The following ANOS1 variants were observed in gnomAD, a reference collection of about 807,000 sequenced individuals.
ANOS1 encodes the protein anosmin 1.
A neutral mutation model predicts 59.0 loss-of-function variants in ANOS1; 6 were observed. That is an observed-to-expected ratio of 0.10 (90% CI 0.06 to 0.20). The LOEUF (loss-of-function observed/expected upper bound fraction) is 0.20, where lower values mean the gene tolerates loss of function less well. Ranked by LOEUF, ANOS1 falls within the 10% of genes least tolerant of loss-of-function variation. The probability of loss-of-function intolerance (pLI) is 1.00; values close to 1 mark genes in which losing one functional copy is unlikely to be tolerated. For synonymous variants in ANOS1, 217 were observed against 223.4 expected (o/e 0.97, Z 0.25); for missense variants, 433 against 542.3 (o/e 0.80, Z 2.00).
chrX:8,541,371 C>T (rs1269656276), intron 9 of ANOS1, among the ~76,000 whole-genome samples: 1 of 102,344 alleles, frequency 9.8e-6, no homozygotes, highest in Non-Finnish European at 2.0e-5. Flanking sequence ...CCACTGCACT[C>T]CAGCCTGGGC....
At chrX:8,579,356 T>G (rs897437055) in intron 6 of ANOS1, among the ~76,000 whole-genome samples, 2 of 111,516 alleles carry the variant, frequency 1.8e-5, no homozygotes, top group African/African-American at 6.5e-5. Flanking sequence ...TTTTGGGAAA[T>G]GAGAGAGGTG....
At chrX:8,719,275 T>C (rs759870496) in intron 1 of ANOS1, among the ~76,000 whole-genome samples, 17 of 112,531 alleles carry the variant, frequency 1.5e-4, no homozygotes, top group Non-Finnish European at 1.1e-4. Flanking sequence ...CTTCCAACAG[T>C]GTAGGCATTT....
chrX:8,536,382 T>G (rs1324242778), intron 11 of ANOS1, among the ~76,000 whole-genome samples: 1 of 108,831 alleles, frequency 9.2e-6, no homozygotes, highest in Non-Finnish European at 1.9e-5. Flanking sequence ...GACAGGGACA[T>G]TGGCAAGGAG....
chrX:8,568,866 G>C (rs1930168292), intron 7 of ANOS1, among the ~76,000 whole-genome samples: 1 of 111,055 alleles, frequency 9.0e-6, no homozygotes, highest in East Asian at 2.8e-4. Context: ...TCATAGAAAG[G>C]CCAAATGTAT....
intron 2 of ANOS1, among the ~76,000 whole-genome samples, chrX:8,674,337 C>A (rs1457616138): frequency 1.8e-5 from 2 of 111,856 alleles, no homozygotes; most frequent in African/African-American, 6.5e-5. Flanking sequence ...AAAAAAATGC[C>A]TACTTAGTCT....
At chrX:8,667,931 T>C (rs964147761) in intron 2 of ANOS1, among the ~76,000 whole-genome samples, 1 of 111,345 alleles carries the variant, frequency 9.0e-6, no homozygotes, top group East Asian at 2.8e-4. Context: ...ATATGCATAA[T>C]GAGAAAAGAG....
Position 8,642,177 on chromosome X carries a change from G to A in ANOS1, c.256-18507C>T, listed in dbSNP as rs767254458. On this transcript the variant is annotated intron_variant, in intron 2 of 13. Coordinates refer to ENST00000262648, the MANE Select transcript of ANOS1 (RefSeq NM_000216.4). ...ATACATGGAAATATTGTTTAGCAAT[G>A]AAAAGAAATGGAATACTAAAGCATG... is the stretch of plus-strand genomic sequence containing the variant. Among the ~76,000 whole-genome samples the A allele has an allele frequency of 6.3e-5, 7 of 111,899 alleles. No homozygotes were observed. The East Asian group carries it at 2.0e-3, about 31-fold the overall frequency.
At chrX:8,539,877 T>G (rs1446896882) in intron 9 of ANOS1, 119 bp from the exon 10 acceptor site, 10 of 962,036 alleles carry the variant, frequency 1.0e-5, no homozygotes, top group Non-Finnish European at 1.4e-5. Context: ...AGGTGACCAA[T>G]AAATGCACAG....
intron 6 of ANOS1, among the ~76,000 whole-genome samples, chrX:8,582,679 G>A (rs1387802695): frequency 4.5e-5 from 5 of 111,334 alleles, no homozygotes; most frequent in Non-Finnish European, 9.4e-5. Flanking sequence ...GTGGAAATCC[G>A]GAAGCAGGGA....
chrX:8,548,708 TC>T (rs199941729), intron 9 of ANOS1, among the ~76,000 whole-genome samples: 1,399 of 112,408 alleles, frequency 0.012, 22 homozygotes, highest in African/African-American at 0.043. Flanking sequence ...CAGAACATTC[TC>T]TTTTAGAAAT....
intron 8 of ANOS1, among the ~76,000 whole-genome samples, chrX:8,561,428 T>A (rs1930029582): frequency 2.8e-5 from 3 of 105,692 alleles, no homozygotes; most frequent in African/African-American, 1.1e-4. Flanking sequence ...GCCTCCAGAG[T>A]AGCTGGGACT....
At chrX:8,668,428 T>TATATATATATACATAC (rs1932195788) in intron 2 of ANOS1, among the ~76,000 whole-genome samples, 1 of 83,539 alleles carries the variant, frequency 1.2e-5, no homozygotes, top group Non-Finnish European at 2.3e-5. Context: ...TATATATATA[T>TATATATATATACATAC]ATACACACAC....
chrX:8,568,183 GCGCC>G, intron 8 of ANOS1, 45 bp downstream of exon 8: 2 of 1,166,064 alleles, frequency 1.7e-6, no homozygotes, highest in Non-Finnish European at 2.3e-6. Flanking sequence ...TTGTGATATG[GCGCC>G]CATCATGTCA....
chrX:8,708,316 G>A (rs1002197204), intron 1 of ANOS1, among the ~76,000 whole-genome samples: 4 of 111,921 alleles, frequency 3.6e-5, no homozygotes, highest in Non-Finnish European at 7.5e-5. Flanking sequence ...TATCATCAGA[G>A]TGAACAGGCA....
chrX:8,550,776 A>G (rs1000413699), intron 9 of ANOS1, among the ~76,000 whole-genome samples: 1 of 109,544 alleles, frequency 9.1e-6, no homozygotes, highest in African/African-American at 3.3e-5. Flanking sequence ...GGAGATCAGA[A>G]GGAAAAAAAA....
chrX:8,727,681 G>A (rs1005659899), intron 1 of ANOS1, among the ~76,000 whole-genome samples: 4 of 112,181 alleles, frequency 3.6e-5, no homozygotes, highest in Non-Finnish European at 7.5e-5. Context: ...TCATGCCTGA[G>A]CACATGTGTC....
chrX:8,592,148 A>G (rs1173341789), intron 4 of ANOS1, among the ~76,000 whole-genome samples: 1 of 112,001 alleles, frequency 8.9e-6, no homozygotes, highest in African/African-American at 3.2e-5. Flanking sequence ...AATTTTTATC[A>G]TGAATCTAAA....
chrX:8,636,390 C>T (rs1931573770), intron 2 of ANOS1, among the ~76,000 whole-genome samples: 1 of 111,777 alleles, frequency 8.9e-6, no homozygotes. Context: ...ACTTATAAGC[C>T]TGTCTTATTT....
intron 1 of ANOS1, among the ~76,000 whole-genome samples, chrX:8,700,822 A>T (rs1342929150): frequency 1.8e-5 from 2 of 111,477 alleles, no homozygotes; most frequent in Non-Finnish European, 3.8e-5. Flanking sequence ...CAGCCTGGCC[A>T]ACATGGTGAA....
Sources: gnomAD v4.1 joint callset for allele counts (sites outside exome capture counted in the v4.1 genomes callset) on GRCh38, gnomAD v4.1.1 for gene constraint, MANE v1.5 for transcripts, NCBI Gene and HGNC (gene_info 2026-07-23, HGNC 2026-07-21) for gene names.